C12orf42: variants seen among roughly 807,000 people sequenced by gnomAD.
The protein encoded by C12orf42 is chromosome 12 open reading frame 42.
In C12orf42, 25 loss-of-function variants were observed where a neutral mutation model predicts 21.6. That is an observed-to-expected ratio of 1.16 (90% CI 0.84 to 1.62). C12orf42 has a LOEUF of 1.62. Ranked by LOEUF, C12orf42 falls within the 40% of genes most tolerant of loss-of-function variation. The probability of loss-of-function intolerance (pLI) is 0.00; values close to 1 mark genes in which losing one functional copy is unlikely to be tolerated. For missense variants in C12orf42, 483 were observed against 459.3 expected, an observed-to-expected ratio of 1.05 and a Z score of -0.47; for synonymous variants, 174 against 175.0, an observed-to-expected ratio of 0.99 and a Z score of 0.05.
the C12orf42 span, among the ~76,000 whole-genome samples, chr12:103,155,456 A>T: frequency 5.9e-5 from 9 of 152,182 alleles, no homozygotes; most frequent in Non-Finnish European, 1.0e-4. Context: ...AGAAAAAACA[A>T]TGGTGAGCTG....
intron 10 of C12orf42, among the ~76,000 whole-genome samples, chr12:103,240,274 G>A (rs1291799354): frequency 6.6e-6 from 1 of 152,070 alleles, no homozygotes; most frequent in South Asian, 2.1e-4. Context: ...GACATCAAGC[G>A]ACCTAAACAG....
chr12:103,314,607 A>C (rs939936604), intron 4 of C12orf42, among the ~76,000 whole-genome samples: 1 of 152,152 alleles, frequency 6.6e-6, no homozygotes, highest in African/African-American at 2.4e-5. Flanking sequence ...AAAGTCTGAA[A>C]AAGATTCCGT....
chr12:103,299,214 T>A (rs893644389), downstream of C12orf42, among the ~76,000 whole-genome samples: 1 of 152,066 alleles, frequency 6.6e-6, no homozygotes. Flanking sequence ...ATTATTATCA[T>A]TAAAGATGAA....
At chr12:103,525,639 T>C in the C12orf42 span, among the ~76,000 whole-genome samples, 1 of 152,300 alleles carries the variant, frequency 6.6e-6, no homozygotes, top group South Asian at 2.1e-4. Context: ...AGTATCAATA[T>C]TATTATAATT....
intron 2 of C12orf42, among the ~76,000 whole-genome samples, chr12:103,458,771 C>T (rs971889826): frequency 1.2e-4 from 19 of 152,134 alleles, no homozygotes; most frequent in Non-Finnish European, 7.3e-5. Flanking sequence ...CAAGGGCTAA[C>T]ACTCATGGTC....
intron 2 of C12orf42, among the ~76,000 whole-genome samples, chr12:103,440,762 C>G (rs1951182682): frequency 6.6e-6 from 1 of 152,106 alleles, no homozygotes; most frequent in Admixed American, 6.6e-5. Context: ...CCGTGGCTCC[C>G]CTCTTGGAGA....
the C12orf42 span, among the ~76,000 whole-genome samples, chr12:103,049,373 T>G: frequency 6.6e-6 from 1 of 152,214 alleles, no homozygotes; most frequent in Admixed American, 6.5e-5. Flanking sequence ...CTCTTGATTC[T>G]GTCTTCAAAA....
chr12:103,195,779 C>CTTTAGTTTAATTTAG, the C12orf42 span, among the ~76,000 whole-genome samples: 1 of 151,998 alleles, frequency 6.6e-6, no homozygotes, highest in Non-Finnish European at 1.5e-5. Flanking sequence ...TGCAGAAGCT[C>CTTTAGTTTAATTTAG]TTTAGTTTAA....
intron 4 of C12orf42, among the ~76,000 whole-genome samples, chr12:103,312,138 C>T (rs1487303581): frequency 1.3e-5 from 2 of 152,146 alleles, no homozygotes; most frequent in African/African-American, 4.8e-5. Context: ...ACTTATGTTA[C>T]TGAGGAGGAA....
the C12orf42 span, among the ~76,000 whole-genome samples, chr12:103,156,640 A>C: frequency 6.6e-6 from 1 of 152,144 alleles, no homozygotes; most frequent in African/African-American, 2.4e-5. Flanking sequence ...CCCCGACCCC[A>C]CAACAGGCCC....
chr12:103,363,530 T>C (rs532566006), intron 4 of C12orf42, among the ~76,000 whole-genome samples: 3 of 152,168 alleles, frequency 2.0e-5, no homozygotes, highest in South Asian at 4.1e-4. Flanking sequence ...GCATAAATGC[T>C]CCACTTAAAA....
At chr12:103,244,035 T>C (rs546093219) in intron 10 of C12orf42, among the ~76,000 whole-genome samples, 81 of 152,248 alleles carry the variant, frequency 5.3e-4, no homozygotes, top group Middle Eastern at 3.4e-3. Context: ...ATTCCAATGT[T>C]CAGCCAGGGT....
chr12:103,310,250 C>A (rs1235298435), intron 4 of C12orf42, among the ~76,000 whole-genome samples: 1 of 151,848 alleles, frequency 6.6e-6, no homozygotes, highest in East Asian at 1.9e-4. Context: ...TCCCCTTCTC[C>A]CCTACTCTCT....
At chr12:103,273,219 A>G (rs557628176) in intron 5 of C12orf42, among the ~76,000 whole-genome samples, 15 of 152,142 alleles carry the variant, frequency 9.9e-5, no homozygotes, top group Non-Finnish European at 1.2e-4. Flanking sequence ...TTAGGTGACC[A>G]CTGGGAGGCC....
chr12:103,550,736 G>A, the C12orf42 span: 3 of 151,850 alleles, frequency 2.0e-5, no homozygotes, highest in African/African-American at 4.8e-5. Context: ...CCTTTTGTAC[G>A]TTTTTCAGAA....
chr12:103,435,854 C>T (rs981436709), intron 2 of C12orf42, among the ~76,000 whole-genome samples: 2 of 151,834 alleles, frequency 1.3e-5, no homozygotes, highest in African/African-American at 4.8e-5. Flanking sequence ...AGAACTTCCC[C>T]AATCTAGCAA....
intron 1 of C12orf42, among the ~76,000 whole-genome samples, chr12:103,490,870 C>T (rs1244149816): frequency 6.6e-6 from 1 of 151,730 alleles, no homozygotes; most frequent in Non-Finnish European, 1.5e-5. Flanking sequence ...GTTATATATT[C>T]CTAGAATTCC....
the C12orf42 span, chr12:103,504,312 G>T: frequency 6.3e-6 from 1 of 159,540 alleles, no homozygotes. Context: ...AGCGTGGGCT[G>T]GAAGATGGCT....
chr12:103,395,922 TGTATA>T (rs199884247), intron 3 of C12orf42, among the ~76,000 whole-genome samples: 438 of 148,692 alleles, frequency 2.9e-3, no homozygotes, highest in African/African-American at 0.01. Context: ...AAATGCATTA[TGTATA>T]ATATATTATG....
Sources: gnomAD v4.1 joint callset for allele counts (sites outside exome capture counted in the v4.1 genomes callset) on GRCh38, gnomAD v4.1.1 for gene constraint, MANE v1.5 for transcripts, NCBI Gene and HGNC (gene_info 2026-07-23, HGNC 2026-07-21) for gene names.